Variants in MAML2 observed in about 807,000 individuals in gnomAD.
MAML2 encodes mastermind-like protein 2.
A neutral mutation model predicts 96.1 loss-of-function variants in MAML2; 22 were observed. That is an observed-to-expected ratio of 0.23 (90% CI 0.16 to 0.33). The LOEUF (loss-of-function observed/expected upper bound fraction) is 0.33. Ranked by LOEUF, MAML2 falls within the 10% of genes least tolerant of loss-of-function variation. The probability of loss-of-function intolerance (pLI) is 1.00; values close to 1 mark genes in which losing one functional copy is unlikely to be tolerated. For missense variants in MAML2, 1,367 were observed against 1,392.4 expected, an observed-to-expected ratio of 0.98 and a Z score of 0.29; for synonymous variants, 561 against 521.3, an observed-to-expected ratio of 1.08 and a Z score of -1.04.
intron 1 of MAML2, among the ~76,000 whole-genome samples, chr11:96,232,970 C>T (rs1233980098): frequency 6.6e-6 from 1 of 152,116 alleles, no homozygotes; most frequent in Non-Finnish European, 1.5e-5. Context: ...ATGAGTAAAA[C>T]AAAATAAAAT....
intron 1 of MAML2, among the ~76,000 whole-genome samples, chr11:96,227,906 G>A (rs114096366): frequency 2.0e-3 from 304 of 152,196 alleles, no homozygotes; most frequent in African/African-American, 6.8e-3. Context: ...GTTTGAGACC[G>A]GCCTGGCCAA....
intron 1 of MAML2, among the ~76,000 whole-genome samples, chr11:96,151,752 G>A (rs1860927990): frequency 1.3e-5 from 2 of 152,212 alleles, no homozygotes; most frequent in African/African-American, 4.8e-5. Context: ...CCTCCCCAGA[G>A]CAGATGCTGC....
intron 1 of MAML2, among the ~76,000 whole-genome samples, chr11:96,238,037 G>A (rs149506555): frequency 2.1e-4 from 32 of 152,294 alleles, no homozygotes; most frequent in African/African-American, 6.5e-4. Flanking sequence ...GTACTTAAGT[G>A]GTTAAAGTAA....
chr11:96,046,617 T>C (rs1469235371), intron 2 of MAML2, among the ~76,000 whole-genome samples: 1 of 152,222 alleles, frequency 6.6e-6, no homozygotes, highest in African/African-American at 2.4e-5. Context: ...AGGTGAACTC[T>C]GCTTACATCA....
intron 1 of MAML2, among the ~76,000 whole-genome samples, chr11:96,097,735 G>T (rs1454251453): frequency 1.3e-5 from 2 of 152,108 alleles, no homozygotes; most frequent in Non-Finnish European, 2.9e-5. Flanking sequence ...GGCTTCAAAG[G>T]CAAGGGTACC....
intron 1 of MAML2, among the ~76,000 whole-genome samples, chr11:96,227,664 A>G (rs1039645869): frequency 6.6e-6 from 1 of 152,244 alleles, no homozygotes; most frequent in Non-Finnish European, 1.5e-5. Flanking sequence ...GGAAATAATA[A>G]TAATAGTAGT....
In MAML2 at chr11:95,978,755, A is replaced by G. The variant is rs1857686482; in HGVS notation, c.*193T>C. 1.7e-6 allele frequency: 1 copy of G among 574,914 alleles called. No homozygotes were observed. Among genetic ancestry groups the G allele is most frequent in the Non-Finnish European group, 3.0e-6 (1 of 332,570 alleles). The allele number at this position is 574,914 out of a possible 1,614,324, so 35.6% of individuals were successfully genotyped here. On this transcript the variant is annotated 3_prime_UTR_variant, in exon 5 of 5. Coordinates refer to ENST00000524717, the MANE Select transcript of MAML2 (RefSeq NM_032427.4). Reference sequence around the variant, plus strand: ...CAGGGAAAAGTGATCCCAATATTTTACTTTCAGGTGTAAGATTTAAAACAA... The same window carrying G: ...CAGGGAAAAGTGATCCCAATATTTTGCTTTCAGGTGTAAGATTTAAAACAA...
At chr11:96,155,882 C>T (rs1003994849) in intron 1 of MAML2, among the ~76,000 whole-genome samples, 10 of 152,182 alleles carry the variant, frequency 6.6e-5, no homozygotes, top group Admixed American at 6.5e-5. Context: ...AATGTGGCCT[C>T]TGTGGATTGG....
Position 96,223,687 on chromosome 11 carries a change from C to T in MAML2, c.513+117696G>A, listed in dbSNP as rs541552336. ...TCACCCCAGTAATAAGCATAGAACT[C>T]GATAGGTATTTTTTTCGGATCCTCT... On this transcript the variant is annotated intron_variant, in intron 1 of 4. Transcript: ENST00000524717. 1.3e-3 allele frequency among the ~76,000 whole-genome samples: 202 copies of T among 151,958 alleles called. 1 individual carries two copies. Among genetic ancestry groups the T allele is most frequent in the African/African-American group, 4.7e-3 (193 of 41,444 alleles).
intron 1 of MAML2, among the ~76,000 whole-genome samples, chr11:96,197,635 A>G (rs1463217003): frequency 6.6e-6 from 1 of 152,216 alleles, no homozygotes; most frequent in Non-Finnish European, 1.5e-5. Context: ...CATGTTCAAC[A>G]TTATGATCAG....
At chr11:95,999,193 A>G (rs1192445692) in intron 2 of MAML2, among the ~76,000 whole-genome samples, 2 of 152,216 alleles carry the variant, frequency 1.3e-5, no homozygotes, top group East Asian at 1.9e-4. Context: ...ATGTGTGAAG[A>G]AAATCTTGTA....
chr11:96,139,476 T>TAA (rs1157206994), intron 1 of MAML2, among the ~76,000 whole-genome samples: 9 of 136,878 alleles, frequency 6.6e-5, no homozygotes, highest in Admixed American at 4.4e-4. Flanking sequence ...GACTCTGTCT[T>TAA]AAAAAAAAAA....
intron 1 of MAML2, among the ~76,000 whole-genome samples, chr11:96,234,670 C>T (rs1591087395): frequency 6.6e-6 from 1 of 152,182 alleles, no homozygotes; most frequent in Non-Finnish European, 1.5e-5. Context: ...CACAAGCACA[C>T]ATATGCATGC....
At chr11:96,114,118 T>C (rs1395111289) in intron 1 of MAML2, among the ~76,000 whole-genome samples, 2 of 152,140 alleles carry the variant, frequency 1.3e-5, no homozygotes, top group African/African-American at 4.8e-5. Context: ...AGAGTCTTGC[T>C]ACATTGCCTA....
chr11:96,208,378 T>A (rs1196152121), intron 1 of MAML2, among the ~76,000 whole-genome samples: 2 of 152,194 alleles, frequency 1.3e-5, no homozygotes, highest in Non-Finnish European at 2.9e-5. Flanking sequence ...TCAAGAACGT[T>A]TTGTACATTC....
At chr11:96,141,556 G>T (rs185568825) in intron 1 of MAML2, among the ~76,000 whole-genome samples, 121 of 152,140 alleles carry the variant, frequency 8.0e-4, no homozygotes, top group Non-Finnish European at 1.4e-3. Flanking sequence ...AGTATCGCAA[G>T]AAAAAACTCA....
In MAML2 at chr11:96,138,116, C is replaced by T. The variant is rs574763664; in HGVS notation, c.514-44599G>A. On this transcript the variant is annotated intron_variant, in intron 1 of 4. Transcript: ENST00000524717. ...TTAGGCTAATAAGAACACAGGATTCCGGTTTTTTGTATACCTCAAGATCCT... is the reference window on the plus strand; with the variant it reads ...TTAGGCTAATAAGAACACAGGATTCTGGTTTTTTGTATACCTCAAGATCCT... Among the ~76,000 whole-genome samples the T allele has an allele frequency of 5.3e-5, 8 of 152,246 alleles. No individual in the cohort carries two copies. The East Asian group carries it at 7.7e-4, about 15-fold the overall frequency.
intron 1 of MAML2, among the ~76,000 whole-genome samples, chr11:96,277,090 T>C (rs1327946484): frequency 6.6e-6 from 1 of 152,170 alleles, no homozygotes; most frequent in Non-Finnish European, 1.5e-5. Flanking sequence ...GCAATATATT[T>C]AAAGTGTCAG....
At chr11:96,297,126 G>C (rs1863314703) in intron 1 of MAML2, among the ~76,000 whole-genome samples, 1 of 152,220 alleles carries the variant, frequency 6.6e-6, no homozygotes, top group African/African-American at 2.4e-5. Flanking sequence ...GGCTGCAGCT[G>C]GGCTGGGACC....
Sources: gnomAD v4.1 joint callset for allele counts (sites outside exome capture counted in the v4.1 genomes callset) on GRCh38, gnomAD v4.1.1 for gene constraint, MANE v1.5 for transcripts, NCBI Gene and HGNC (gene_info 2026-07-23, HGNC 2026-07-21) for gene names.